Variants in CACNA1C observed in about 807,000 individuals in gnomAD.
The protein encoded by CACNA1C is calcium voltage-gated channel subunit alpha1 C, also known as voltage-dependent L-type calcium channel subunit alpha-1C.
In CACNA1C, 30 loss-of-function variants were observed where a neutral mutation model predicts 229.0. That is an observed-to-expected ratio of 0.13 (90% CI 0.10 to 0.18). CACNA1C has a LOEUF of 0.18. CACNA1C is among the 10% of genes least tolerant of loss of function. The pLI is 1.00. For missense variants in CACNA1C, 1,658 were observed against 2,845.0 expected, an observed-to-expected ratio of 0.58 and a Z score of 9.49; for synonymous variants, 1,114 against 1,132.5, an observed-to-expected ratio of 0.98 and a Z score of 0.33.
intron 3 of CACNA1C, among the ~76,000 whole-genome samples, chr12:2,157,258 GTAAA>G (rs1231070897): frequency 6.6e-6 from 1 of 152,138 alleles, no homozygotes; most frequent in East Asian, 1.9e-4. Context: ...GTTGTACACA[GTAAA>G]TATATATAAT....
intron 3 of CACNA1C, among the ~76,000 whole-genome samples, chr12:2,332,322 A>T (rs1340921784): frequency 6.6e-6 from 1 of 152,228 alleles, no homozygotes; most frequent in South Asian, 2.1e-4. Flanking sequence ...CTGTTCTTGC[A>T]ACTTTTCTCT....
At chr12:2,333,481 C>A (rs1052830066) in intron 3 of CACNA1C, among the ~76,000 whole-genome samples, 1 of 152,176 alleles carries the variant, frequency 6.6e-6, no homozygotes, top group African/African-American at 2.4e-5. Flanking sequence ...ATCCTTCCTG[C>A]GTTTTCTCCT....
intron 3 of CACNA1C, among the ~76,000 whole-genome samples, chr12:2,149,742 T>G (rs1030073964): frequency 2.6e-5 from 4 of 151,900 alleles, no homozygotes; most frequent in Non-Finnish European, 4.4e-5. Context: ...CAACCCCAAG[T>G]AAGGAAGATC....
At chr12:2,523,461 C>T (rs2099813618) in intron 9 of CACNA1C, among the ~76,000 whole-genome samples, 1 of 152,104 alleles carries the variant, frequency 6.6e-6, no homozygotes, top group Non-Finnish European at 1.5e-5. Flanking sequence ...CACTTTCCTG[C>T]CTTGGCAAGT....
intron 3 of CACNA1C, among the ~76,000 whole-genome samples, chr12:2,121,183 C>T (rs1048631042): frequency 1.3e-5 from 2 of 152,218 alleles, no homozygotes; most frequent in African/African-American, 2.4e-5. Flanking sequence ...CTTTCTCCCC[C>T]TCCATTGCAG....
At chr12:2,121,643 G>A (rs1052490007) in intron 3 of CACNA1C, among the ~76,000 whole-genome samples, 5 of 152,148 alleles carry the variant, frequency 3.3e-5, no homozygotes, top group African/African-American at 1.2e-4. Context: ...GCAGAGCATC[G>A]GCCGCCGTCC....
At chr12:2,183,251 A>G (rs2096893801) in intron 3 of CACNA1C, among the ~76,000 whole-genome samples, 1 of 152,130 alleles carries the variant, frequency 6.6e-6, no homozygotes, top group African/African-American at 2.4e-5. Flanking sequence ...TGGCTCAAAA[A>G]AAAAAAGAAA....
intron 3 of CACNA1C, among the ~76,000 whole-genome samples, chr12:2,419,753 TAAAG>T (rs573572164): frequency 2.0e-5 from 3 of 152,012 alleles, no homozygotes; most frequent in Non-Finnish European, 2.9e-5. Flanking sequence ...GTTGCAGCAA[TAAAG>T]AAGAGAAGAG....
chr12:2,101,228 T>C (rs186663630), intron 1 of CACNA1C, among the ~76,000 whole-genome samples: 20 of 152,312 alleles, frequency 1.3e-4, no homozygotes, highest in Middle Eastern at 3.4e-3. Flanking sequence ...AATTTGGTAC[T>C]GGTATCATTC....
intron 37 of CACNA1C, among the ~76,000 whole-genome samples, chr12:2,667,482 C>A (rs1288798031): frequency 6.6e-6 from 1 of 152,206 alleles, no homozygotes; most frequent in East Asian, 1.9e-4. Flanking sequence ...TCTACTTGTG[C>A]TCTGTTTACT....
intron 34 of CACNA1C, among the ~76,000 whole-genome samples, chr12:2,661,961 G>T (rs2095763384): frequency 6.6e-6 from 1 of 152,158 alleles, no homozygotes; most frequent in Non-Finnish European, 1.5e-5. Context: ...AGACAGGAAA[G>T]GCCGGGCGCA....
At chr12:2,622,529 T>C (rs565144635) in intron 29 of CACNA1C, among the ~76,000 whole-genome samples, 2 of 152,304 alleles carry the variant, frequency 1.3e-5, no homozygotes, top group African/African-American at 4.8e-5. Flanking sequence ...TTGCTGGACA[T>C]GTTTGCGACA....
intron 38 of CACNA1C, among the ~76,000 whole-genome samples, chr12:2,670,195 G>C (rs2096482488): frequency 2.0e-5 from 3 of 152,286 alleles, no homozygotes; most frequent in South Asian, 2.1e-4. Flanking sequence ...AGTAATTACA[G>C]AAAACACAGA....
rs1364573631 is a variant in CACNA1C, at chr12:2,504,034, T to C, written c.1114-808T>C. On this transcript the variant is annotated intron_variant, in intron 7 of 46. Coordinates refer to ENST00000399655, the MANE Select transcript of CACNA1C (RefSeq NM_000719.7). This position sits in a 1 kb window ranked among gnomAD's most constrained non-coding sequence, Gnocchi z 6.8. Reference sequence around the variant, plus strand: ...TGTCAGCAGGAGCTGACGCACTTCATACACCAAGGTCAGGGGCCTCCGGGT... The same window carrying C: ...TGTCAGCAGGAGCTGACGCACTTCACACACCAAGGTCAGGGGCCTCCGGGT... Among the ~76,000 whole-genome samples, 1 of 152,228 alleles carries C rather than the reference T, an allele frequency of 6.6e-6. No homozygotes were observed. Among genetic ancestry groups the C allele is most frequent in the Admixed American group, 6.5e-5 (1 of 15,286 alleles).
intron 3 of CACNA1C, among the ~76,000 whole-genome samples, chr12:2,253,143 A>C (rs147545118): frequency 6.6e-6 from 1 of 152,288 alleles, no homozygotes; most frequent in African/African-American, 2.4e-5. Flanking sequence ...GAATCCACTT[A>C]TCCCCAAAGA....
At chr12:2,565,436 CGCAG>C (rs1555795798) in intron 11 of CACNA1C, among the ~76,000 whole-genome samples, 21 of 148,254 alleles carry the variant, frequency 1.4e-4, no homozygotes, top group Non-Finnish European at 2.7e-4. Flanking sequence ...CACTGCAGTC[CGCAG>C]TCCGGCCTGG....
At chr12:2,289,774 T>C (rs888953217) in intron 3 of CACNA1C, among the ~76,000 whole-genome samples, 1 of 152,214 alleles carries the variant, frequency 6.6e-6, no homozygotes, top group African/African-American at 2.4e-5. Context: ...CTTAAGTGAC[T>C]TTTTAGGATC....
chr12:2,490,721 C>A lies in CACNA1C; in HGVS notation c.917-2469C>A, dbSNP rs546828292. Among the ~76,000 whole-genome samples, 3 of 152,324 alleles carry A rather than the reference C, an allele frequency of 2.0e-5. No homozygotes were observed. In the East Asian group the frequency reaches 5.8e-4, roughly 29 times the overall value. On this transcript the variant is annotated intron_variant, in intron 6 of 46. Transcript: ENST00000399655. ...CTTTTTTGTAGCATCACATCCAAAT[C>A]TCTAAAGATTTCACATTTTTAAAAG... is the stretch of plus-strand genomic sequence containing the variant.
intron 3 of CACNA1C, among the ~76,000 whole-genome samples, chr12:2,193,575 C>T (rs1310335143): frequency 6.6e-6 from 1 of 152,260 alleles, no homozygotes; most frequent in Admixed American, 6.5e-5. Flanking sequence ...CTCAGGCAAG[C>T]GATGAGCAAG....
Sources: gnomAD v4.1 joint callset for allele counts (sites outside exome capture counted in the v4.1 genomes callset) on GRCh38, gnomAD v4.1.1 for gene constraint, Gnocchi (gnomAD v3.1) non-coding constraint, MANE v1.5 for transcripts, NCBI Gene and HGNC (gene_info 2026-07-23, HGNC 2026-07-21) for gene names.